Variants in RSPO2 observed in about 807,000 individuals in gnomAD.
RSPO2 encodes the protein R-spondin 2.
In RSPO2, 14 loss-of-function variants were observed where a neutral mutation model predicts 30.9. The ratio of observed to expected loss-of-function variants is 0.45; its 90% confidence interval spans 0.30 to 0.71. The LOEUF is 0.71. RSPO2 is among the 30% of genes least tolerant of loss of function. RSPO2 has a pLI of 0.08. For synonymous variants in RSPO2, 107 were observed against 96.4 expected (o/e 1.11, Z -0.64); for missense variants, 264 against 301.9 (o/e 0.87, Z 0.93).
intron 5 of RSPO2, among the ~76,000 whole-genome samples, chr8:107,949,069 A>G (rs191796039): frequency 2.2e-3 from 338 of 151,580 alleles, no homozygotes; most frequent in African/African-American, 7.8e-3. Context: ...GTTACATGAA[A>G]TAAGTTATTT....
intron 3 of RSPO2, among the ~76,000 whole-genome samples, chr8:107,978,283 C>T (rs918409794): frequency 2.6e-5 from 4 of 151,982 alleles, no homozygotes; most frequent in African/African-American, 7.2e-5. Context: ...AAAAATTAGC[C>T]GGGCATGGTG....
At chr8:107,938,171 T>C (rs914538046) in intron 5 of RSPO2, among the ~76,000 whole-genome samples, 1 of 152,158 alleles carries the variant, frequency 6.6e-6, no homozygotes, top group African/African-American at 2.4e-5. Context: ...CATTTCTTGG[T>C]ATGTTTATCA....
chr8:108,073,623 G>A (rs968823570), intron 2 of RSPO2, among the ~76,000 whole-genome samples: 4 of 152,080 alleles, frequency 2.6e-5, no homozygotes, highest in African/African-American at 9.7e-5. Context: ...TATATTAACT[G>A]TTTTCTTAAT....
chr8:108,014,091 AC>A (rs1810792933), intron 2 of RSPO2, among the ~76,000 whole-genome samples: 1 of 152,154 alleles, frequency 6.6e-6, no homozygotes. Context: ...ATATGAAAAA[AC>A]CTCATCATCA....
At chr8:107,965,855 G>T (rs1202829226) in intron 3 of RSPO2, among the ~76,000 whole-genome samples, 1 of 152,190 alleles carries the variant, frequency 6.6e-6, no homozygotes, top group East Asian at 1.9e-4. Flanking sequence ...TCATATGGAA[G>T]AACCAACAGT....
intron 2 of RSPO2, among the ~76,000 whole-genome samples, chr8:108,031,148 C>G (rs567727465): frequency 6.6e-6 from 1 of 152,314 alleles, no homozygotes; most frequent in South Asian, 2.1e-4. Context: ...CTGGAACAAG[C>G]ATAATTTGAA....
chr8:107,944,534 C>T (rs372069042), intron 5 of RSPO2, among the ~76,000 whole-genome samples: 21 of 152,094 alleles, frequency 1.4e-4, no homozygotes, highest in East Asian at 9.6e-4. Flanking sequence ...AAAATAATAG[C>T]TTAATCACCA....
chr8:108,043,076 T>A (rs897309012), intron 2 of RSPO2, among the ~76,000 whole-genome samples: 2 of 152,046 alleles, frequency 1.3e-5, no homozygotes, highest in African/African-American at 4.8e-5. Context: ...GAAGAGGCAT[T>A]AAATAGCCTC....
intron 5 of RSPO2, among the ~76,000 whole-genome samples, chr8:107,921,312 C>T: frequency 6.8e-6 from 1 of 146,904 alleles, no homozygotes. Flanking sequence ...ACACACACTC[C>T]CCTTTAGAAA....
chr8:108,016,106 T>C (rs965347116), intron 2 of RSPO2, among the ~76,000 whole-genome samples: 1 of 152,138 alleles, frequency 6.6e-6, no homozygotes, highest in Non-Finnish European at 1.5e-5. Flanking sequence ...AAAGAGGATA[T>C]GGCTACAGAA....
chr8:108,076,908 AG>A (rs1229075138), intron 2 of RSPO2, among the ~76,000 whole-genome samples: 1 of 152,214 alleles, frequency 6.6e-6, no homozygotes, highest in Admixed American at 6.5e-5. Context: ...AGGGAACCAA[AG>A]AAGAGAATGG....
At chr8:107,913,072 T>C (rs952609833) in intron 5 of RSPO2, among the ~76,000 whole-genome samples, 2 of 151,126 alleles carry the variant, frequency 1.3e-5, no homozygotes, top group South Asian at 4.3e-4. Flanking sequence ...GTAATTGGGA[T>C]AAATATTTAA....
At chr8:107,976,311 C>T (rs1411770378) in intron 3 of RSPO2, among the ~76,000 whole-genome samples, 1 of 152,142 alleles carries the variant, frequency 6.6e-6, no homozygotes, top group Non-Finnish European at 1.5e-5. Context: ...ATTAAAGAAA[C>T]ATGGGCATTA....
At chr8:108,056,851 T>A (rs1339754880) in intron 2 of RSPO2, among the ~76,000 whole-genome samples, 2 of 147,668 alleles carry the variant, frequency 1.4e-5, no homozygotes, top group Admixed American at 1.4e-4. Flanking sequence ...AGGTCAGGAG[T>A]TTGAGACCAA....
intron 2 of RSPO2, among the ~76,000 whole-genome samples, chr8:108,034,308 T>G (rs924232282): frequency 9.9e-5 from 15 of 152,208 alleles, no homozygotes; most frequent in African/African-American, 3.6e-4. Flanking sequence ...TAAACTATTT[T>G]AAACACACAC....
chr8:108,067,457 CAG>C (rs1206794130), intron 2 of RSPO2, among the ~76,000 whole-genome samples: 3 of 152,216 alleles, frequency 2.0e-5, no homozygotes, highest in African/African-American at 7.2e-5. Flanking sequence ...CAAAGTAAAA[CAG>C]AAAATAAAGA....
At chr8:107,982,009 C>CA (rs372977834) in intron 3 of RSPO2, among the ~76,000 whole-genome samples, 5,428 of 55,380 alleles carry the variant, frequency 0.098, 160 homozygotes, top group African/African-American at 0.16. Context: ...ACAACAACAA[C>CA]AAAAAAAAAA....
intron 5 of RSPO2, among the ~76,000 whole-genome samples, chr8:107,953,688 C>A (rs1212758859): frequency 6.6e-6 from 1 of 152,132 alleles, no homozygotes; most frequent in Non-Finnish European, 1.5e-5. Context: ...ACTCTCGGTT[C>A]TACCACTAGT....
chr8:107,923,732 G>C (rs1324699185), intron 5 of RSPO2, among the ~76,000 whole-genome samples: 4 of 152,022 alleles, frequency 2.6e-5, no homozygotes, highest in Non-Finnish European at 5.9e-5. Context: ...GGAATACTAT[G>C]CAGCCATAAA....
Sources: allele counts gnomAD v4.1 joint callset (sites outside exome capture counted in the v4.1 genomes callset), GRCh38; gene constraint gnomAD v4.1.1; transcripts MANE v1.5; gene names NCBI Gene and HGNC (gene_info 2026-07-23, HGNC 2026-07-21).